Variants in GTPBP2 observed in about 807,000 individuals in gnomAD.
The protein encoded by GTPBP2 is GTP-binding protein 2.
GTPBP2 carries 32 observed loss-of-function variants against 63.0 expected under a neutral mutation model. The observed-to-expected ratio is 0.51, with a 90% CI of 0.38 to 0.68. The LOEUF is 0.68. Ranked by LOEUF, GTPBP2 falls within the 30% of genes least tolerant of loss-of-function variation. The pLI is 0.00. For synonymous variants in GTPBP2, 310 were observed against 322.6 expected (o/e 0.96, Z 0.42); for missense variants, 492 against 796.9 (o/e 0.62, Z 4.61).
At position 43,625,354 on chromosome 6, in the gene GTPBP2, C is replaced by T. The variant is rs1387950005; in HGVS notation, c.705+9G>A. 2 of 1,612,794 alleles carry T rather than the reference C, an allele frequency of 1.2e-6. No homozygotes were observed. Among genetic ancestry groups the T allele is most frequent in the Middle Eastern group, 1.6e-4 (1 of 6,084 alleles). ...TCTGGCCCCATTGGGTCCCATTGAT[C>T]CCATGCACCTCTCCCTTGCTGTTAA... On this transcript the variant is annotated intron_variant, in intron 5 of 11. Transcript: ENST00000307126. This position sits in a 1 kb window ranked among gnomAD's most constrained non-coding sequence, Gnocchi z 5.1.
Position 43,620,545 on chromosome 6 carries a change from A to G in GTPBP2, c.*1069T>C. ...AATATATATGTGTATTTAAATATAT[A>G]TACATATGTATATATATATATATGC... is the stretch of plus-strand genomic sequence containing the variant. On this transcript the variant is annotated 3_prime_UTR_variant, in exon 12 of 12. Coordinates refer to ENST00000307126, the MANE Select transcript of GTPBP2 (RefSeq NM_019096.5). 1 of 170,422 alleles carries G rather than the reference A, an allele frequency of 5.9e-6. No homozygotes were observed. The highest frequency in any genetic ancestry group is 6.3e-5 in the Admixed American group (1 of 15,976). 10.6% of individuals were successfully genotyped at this position (170,422 alleles called of 1,614,324 possible). A position where few individuals can be genotyped will look rare whatever the true frequency, so the allele number is the denominator to read the frequency against.
rs1158360701 is a variant in GTPBP2 at position 43,625,317 on chromosome 6, C to T, written c.705+46G>A. On this transcript the variant is annotated intron_variant, in intron 5 of 11. Coordinates refer to ENST00000307126, the MANE Select transcript of GTPBP2 (RefSeq NM_019096.5). This position sits in a 1 kb window ranked among gnomAD's most constrained non-coding sequence, Gnocchi z 5.1. ...TCCTATGTCCTTCACTACTACCATC[C>T]CATCCTCAGAGTCTGGCCCCATTGG... 2 of 1,547,824 alleles carry T rather than the reference C, an allele frequency of 1.3e-6. No homozygotes were observed. The highest frequency in any genetic ancestry group is 2.2e-5 in the South Asian group (2 of 89,654).
Position 43,620,713 on chromosome 6 carries a change from G to A in GTPBP2, c.*901C>T. 6.5e-6 allele frequency: 1 copy of A among 153,018 alleles called. No individual in the cohort carries two copies. Among genetic ancestry groups the A allele is most frequent in the Non-Finnish European group, 1.5e-5 (1 of 68,334 alleles). The allele number at this position is 153,018 out of a possible 1,614,324, so 9.5% of individuals were successfully genotyped here. ...CTGGTTCCCTGCAACAGAGGGAAGG[G>A]AACAGTCACTACAAATTACTAAAAC... On this transcript the variant is annotated 3_prime_UTR_variant, in exon 12 of 12. Coordinates refer to ENST00000307126, the MANE Select transcript of GTPBP2 (RefSeq NM_019096.5).
chr6:43,625,737 G>A lies in GTPBP2; in HGVS notation c.507+19C>T, dbSNP rs1561925103. The A allele has an allele frequency of 1.9e-6, 3 of 1,568,302 alleles. No homozygotes were observed. Among genetic ancestry groups the A allele is most frequent in the Non-Finnish European group, 2.6e-6 (3 of 1,138,152 alleles). Reference sequence around the variant, plus strand: ...TTCCACAGTGTGGACATGAGAGACAGGGATGGGTGTGTGCTCACCTGTTGG... The same window carrying A: ...TTCCACAGTGTGGACATGAGAGACAAGGATGGGTGTGTGCTCACCTGTTGG... On this transcript the variant is annotated intron_variant, in intron 4 of 11. Transcript: ENST00000307126. This position sits in a 1 kb window ranked among gnomAD's most constrained non-coding sequence, Gnocchi z 5.1.
chr6:43,629,178 G>GCCCCCC lies in GTPBP2; in HGVS notation c.-22_-17dup. On this transcript the variant is annotated 5_prime_UTR_variant, in exon 1 of 12. Coordinates refer to ENST00000307126, the MANE Select transcript of GTPBP2 (RefSeq NM_019096.5). ...GCGAGTCCATCCGCCGCTGCCGCCAGCCCCCCGCCCGGCCCCTCCCCCGAC... is the reference window on the plus strand; with the variant it reads ...GCGAGTCCATCCGCCGCTGCCGCCAGCCCCCCCCCCCCGCCCGGCCCCTCCCCCGAC... 7.4e-7 allele frequency: 1 copy of GCCCCCC among 1,352,050 alleles called. No homozygotes were observed. Among genetic ancestry groups the GCCCCCC allele is most frequent in the Non-Finnish European group, 9.5e-7 (1 of 1,058,024 alleles). The allele number at this position is 1,352,050 out of a possible 1,614,324, so 83.8% of individuals were successfully genotyped here. A position where few individuals can be genotyped will look rare whatever the true frequency, so the allele number is the denominator to read the frequency against.
Position 43,626,825 on chromosome 6 carries a change from T to C in GTPBP2, c.213+97A>G, listed in dbSNP as rs1299161311. 4 of 995,066 alleles carry C rather than the reference T, an allele frequency of 4.0e-6. No individual in the cohort carries two copies. Among genetic ancestry groups the C allele is most frequent in the African/African-American group, 3.4e-5 (2 of 59,656 alleles). The allele number at this position is 995,066 out of a possible 1,614,324, so 61.6% of individuals were successfully genotyped here. ...CCTAGGCAACAAGAGCAAAACTTCA[T>C]CTCAAAAAAAAAAAAGAAAGAAAGA... On this transcript the variant is annotated intron_variant, in intron 2 of 11. Coordinates refer to ENST00000307126, the MANE Select transcript of GTPBP2 (RefSeq NM_019096.5). This position sits in a 1 kb window ranked among gnomAD's most constrained non-coding sequence, Gnocchi z 4.0.
Position 43,621,648 on chromosome 6 carries a change from G to A in GTPBP2, c.1775C>T (p.Thr592Ile). Residue 592 changes from threonine to isoleucine, a missense_variant, in exon 12 of 12, where the codon ACA becomes ATA. Around this residue, in one of 2 missense-constraint regions of GTPBP2, gnomAD observed 400 missense variants for 710.8 expected, o/e 0.56. Coordinates refer to ENST00000307126, the MANE Select transcript of GTPBP2 (RefSeq NM_019096.5). ...IGHVTDVQAI[T>I]AGEAQANMGF Reference sequence around the variant, plus strand: ...CATGTTGGCCTGGGCTTCTCCTGCTGTAATGGCTTGTACATCAGTGACATG... The same window carrying A: ...CATGTTGGCCTGGGCTTCTCCTGCTATAATGGCTTGTACATCAGTGACATG... 6.2e-7 allele frequency: 1 copy of A among 1,614,214 alleles called. No homozygotes were observed. Among genetic ancestry groups the A allele is most frequent in the East Asian group, 2.2e-5 (1 of 44,884 alleles).
chr6:43,624,679 A>T lies in GTPBP2; in HGVS notation c.931T>A (p.Phe311Ile). 1 of 1,614,150 alleles carries T rather than the reference A, an allele frequency of 6.2e-7. No homozygotes were observed. The change falls in exon 7 of 12, where the codon TTC becomes ATC. Residue 311 changes from phenylalanine to isoleucine, a missense_variant. Phe to Ile is a conservative substitution (Grantham distance 21). Around this residue, in one of 2 missense-constraint regions of GTPBP2, gnomAD observed 400 missense variants for 710.8 expected, o/e 0.56. Coordinates refer to ENST00000307126, the MANE Select transcript of GTPBP2 (RefSeq NM_019096.5). This position sits in a 1 kb window ranked among gnomAD's most constrained non-coding sequence, Gnocchi z 5.1. ...TCGATCTTGCTGACCACGATGAAGA[A>T]GGGCACTTTCAGGGCCAGGGCCAGC... ...LGLALALKVPFFIVVSKIDLC... is the reference protein window; with the variant it reads ...LGLALALKVPIFIVVSKIDLC...
chr6:43,628,819 G>C, intron 1 of GTPBP2, 158 bp downstream of exon 1: 1 of 870,176 alleles, frequency 1.1e-6, no homozygotes, highest in Non-Finnish European at 2.0e-6. Context: ...CTTCCTCCCT[G>C]GGGTCCCGGG....
In GTPBP2 at chr6:43,626,103, C is replaced by T; in HGVS notation, c.398+123G>A. The T allele has an allele frequency of 1.1e-6, 1 of 938,888 alleles. No homozygotes were observed. Among genetic ancestry groups the T allele is most frequent in the Non-Finnish European group, 1.7e-6 (1 of 601,316 alleles). The allele number at this position is 938,888 out of a possible 1,614,324, so 58.2% of individuals were successfully genotyped here. Reference sequence around the variant, plus strand: ...AGGGGACCAAAACACTAACCCTCCCCACTTCAGCCCTTTGTCAAGAGAAGG... The same window carrying T: ...AGGGGACCAAAACACTAACCCTCCCTACTTCAGCCCTTTGTCAAGAGAAGG... On this transcript the variant is annotated intron_variant, in intron 3 of 11. Transcript: ENST00000307126. This position sits in a 1 kb window ranked among gnomAD's most constrained non-coding sequence, Gnocchi z 4.0.
chr6:43,629,201 G>T lies in GTPBP2; in HGVS notation c.-39C>A, dbSNP rs1191419748. ...CAGCCCCCCGCCCGGCCCCTCCCCC[G>T]ACCGCCGCCGCCGTCGCCGCCGCCC... On this transcript the variant is annotated 5_prime_UTR_variant, in exon 1 of 12. Transcript: ENST00000307126. 4 of 794,368 alleles carry T rather than the reference G, an allele frequency of 5.0e-6. No individual in the cohort carries two copies. Among genetic ancestry groups the T allele is most frequent in the Non-Finnish European group, 6.2e-6 (4 of 646,426 alleles). The allele number at this position is 794,368 out of a possible 1,614,324, so 49.2% of individuals were successfully genotyped here. A position where few individuals can be genotyped will look rare whatever the true frequency, so the allele number is the denominator to read the frequency against.
chr6:43,622,150 G>A lies in GTPBP2; in HGVS notation c.1485C>T (p.Ser495=), dbSNP rs755355415. 6 of 1,612,042 alleles carry A rather than the reference G, an allele frequency of 3.7e-6. No individual in the cohort carries two copies. The highest frequency in any genetic ancestry group is 1.3e-5 in the African/African-American group (1 of 74,964). The stretch of plus-strand genomic sequence containing the variant: ...AGCAGATGGTAGGATTCATCTCCGG[G>A]CTCACCATCACCATGCCCTGGGGAG... ...ALLRKGMVMV[S]PEMNPTICSV... The change falls in exon 11 of 12, where the codon AGC becomes AGT. Residue 495 remains serine (S), a synonymous_variant. Transcript: ENST00000307126. This position sits in a 1 kb window ranked among gnomAD's most constrained non-coding sequence, Gnocchi z 5.4.
rs1166259613 is a variant in GTPBP2 at position 43,626,197 on chromosome 6, G to C, written c.398+29C>G. ...CATGGGTCCCCCCAAGTCAGGTAAA[G>C]GAGAACTGGTGGGGAAGGGGAAGCA... On this transcript the variant is annotated intron_variant, in intron 3 of 11. Coordinates refer to ENST00000307126, the MANE Select transcript of GTPBP2 (RefSeq NM_019096.5). The surrounding 1 kb of genome is among the most constrained non-coding windows in gnomAD (Gnocchi z 4.0). 3.1e-6 allele frequency: 5 copies of C among 1,603,162 alleles called. No homozygotes were observed. In the South Asian group the frequency reaches 5.5e-5, roughly 18 times the overall value.
In GTPBP2 at chr6:43,629,065, C is replaced by T. The variant is rs1769699252; in HGVS notation, c.98G>A (p.Ser33Asn). The T allele has an allele frequency of 2.5e-6, 4 of 1,604,544 alleles. No individual in the cohort carries two copies. The highest frequency in any genetic ancestry group is 2.7e-5 in the African/African-American group (2 of 74,766). Residue 33 changes from serine to asparagine, a missense_variant, in exon 1 of 12, where the codon AGC becomes AAC. Physicochemically the swap from Ser to Asn is conservative, Grantham distance 46. This residue lies in a region of GTPBP2 where 92 missense variants were observed against 86.1 expected (regional missense o/e 1.07). Transcript: ENST00000307126. ...TCCCTTTGGCCCCCCGCAGCCGCTG[C>T]TGCTGCCGGCCCCCCTAGCCTTGAG... ...GTLKARGAGS[S>N]SGCGGPKGKK...
chr6:43,629,110 C>T lies in GTPBP2; in HGVS notation c.53G>A (p.Gly18Asp), dbSNP rs914768686. Residue 18 changes from glycine (G) to aspartate (D), a missense_variant, in exon 1 of 12, where the codon GGC becomes GAC. By Grantham distance (94) the Gly-to-Asp change is moderately conservative. Transcript: ENST00000307126. ...CTTGAGGGTTCCGCCCACGGCCGGG[C>T]CCCCTCCGGGCCGGCAGCAGCCGCC... ...LFGGCCRPGGGPAVGGTLKAR... is the reference protein window; with the variant it reads ...LFGGCCRPGGDPAVGGTLKAR... 5 of 1,544,368 alleles carry T rather than the reference C, an allele frequency of 3.2e-6. No homozygotes were observed. The Admixed American group carries it at 6.7e-5, about 21-fold the overall frequency.
Position 43,629,223 on chromosome 6 carries a change from G to C in GTPBP2, c.-61C>G, listed in dbSNP as rs2127850309. 1 of 1,049,314 alleles carries C rather than the reference G, an allele frequency of 9.5e-7. No homozygotes were observed. The highest frequency in any genetic ancestry group is 1.2e-6 in the Non-Finnish European group (1 of 830,936). The allele number at this position is 1,049,314 out of a possible 1,614,324, so 65.0% of individuals were successfully genotyped here. A position where few individuals can be genotyped will look rare whatever the true frequency, so the allele number is the denominator to read the frequency against. ...CCCGACCGCCGCCGCCGTCGCCGCCGCCCTTACTGCCACTGCCGTGTCCGG... is the reference window on the plus strand; with the variant it reads ...CCCGACCGCCGCCGCCGTCGCCGCCCCCCTTACTGCCACTGCCGTGTCCGG... On this transcript the variant is annotated 5_prime_UTR_variant, in exon 1 of 12. Coordinates refer to ENST00000307126, the MANE Select transcript of GTPBP2 (RefSeq NM_019096.5).
chr6:43,628,373 AT>A (rs1473146204), intron 1 of GTPBP2: 1 of 167,502 alleles, frequency 6.0e-6, no homozygotes, highest in Non-Finnish European at 1.2e-5. Flanking sequence ...AAAAAAATAA[AT>A]AAATAAATAA....
rs191465188 is a variant in GTPBP2, at chr6:43,621,716, G to A, written c.1707C>T (p.Gly569=). Residue 569 remains glycine (G), a synonymous_variant, in exon 12 of 12, where the codon GGC becomes GGT. Transcript: ENST00000307126. ...CACCCTCCCGGAACAGCAGTTTGGC[G>A]CCCACCTTCAGGTACTCTGGGTGTT... The part of the protein sequence containing the change: ...FLKHPEYLKV[G]AKLLFREGVT... 80 of 1,614,134 alleles carry A rather than the reference G, an allele frequency of 5.0e-5. No homozygotes were observed. Among genetic ancestry groups the A allele is most frequent in the South Asian group, 1.4e-4 (13 of 91,082 alleles).
Position 43,625,620 on chromosome 6 carries a change from G to A in GTPBP2, c.508-60C>T. 1.3e-6 allele frequency: 2 copies of A among 1,486,256 alleles called. No homozygotes were observed. The highest frequency in any genetic ancestry group is 1.1e-5 in the South Asian group (1 of 88,502). 92.1% of individuals were successfully genotyped at this position (1,486,256 alleles called of 1,614,324 possible). A position where few individuals can be genotyped will look rare whatever the true frequency, so the allele number is the denominator to read the frequency against. On this transcript the variant is annotated intron_variant, in intron 4 of 11. Coordinates refer to ENST00000307126, the MANE Select transcript of GTPBP2 (RefSeq NM_019096.5). This position sits in a 1 kb window ranked among gnomAD's most constrained non-coding sequence, Gnocchi z 5.1. Reference sequence around the variant, plus strand: ...CTCTCACCCCTCTAACTGAAGACTGGGTCAAGGGCAGTGACGCTCCCTAGG... The same window carrying A: ...CTCTCACCCCTCTAACTGAAGACTGAGTCAAGGGCAGTGACGCTCCCTAGG...
Sources: allele counts gnomAD v4.1 joint callset, GRCh38; gene constraint gnomAD v4.1.1; regional missense constraint gnomAD v4.1.1; non-coding constraint Gnocchi (gnomAD v3.1); transcripts MANE v1.5; gene names NCBI Gene and HGNC (gene_info 2026-07-23, HGNC 2026-07-21).